CNTN4: variants seen among roughly 807,000 people sequenced by gnomAD.
CNTN4 encodes contactin 4, also known as contactin-4.
CNTN4 carries 77 observed loss-of-function variants against 122.5 expected under a neutral mutation model. The ratio of observed to expected loss-of-function variants is 0.63; its 90% CI spans 0.52 to 0.76. The LOEUF is 0.76. Ranked by LOEUF, CNTN4 falls within the 30% of genes least tolerant of loss-of-function variation. The probability of loss-of-function intolerance (pLI) is 0.00; values close to 1 mark genes in which losing one functional copy is unlikely to be tolerated. For synonymous variants in CNTN4, 512 were observed against 447.0 expected (o/e 1.15, Z -1.83); for missense variants, 1,256 against 1,259.1 (o/e 1.00, Z 0.04).
In CNTN4 at chr3:2,432,590, GTA is replaced by G. The variant is rs1470351504; in HGVS notation, c.-89+93359_-89+93360del. Among the ~76,000 whole-genome samples the G allele has an allele frequency of 5.9e-5, 9 of 151,890 alleles. No homozygotes were observed. In the East Asian group the frequency reaches 1.4e-3, roughly 23 times the overall value. ...ATAGTATTCCACCCTGTGTGTGTGT[GTA>G]TGTGTGTGTGTGCGTGTGTGTATGT... On this transcript the variant is annotated intron_variant, in intron 3 of 24. Transcript: ENST00000418658.
chr3:2,468,170 T>C (rs923003016), intron 3 of CNTN4, among the ~76,000 whole-genome samples: 2 of 152,206 alleles, frequency 1.3e-5, no homozygotes, highest in African/African-American at 2.4e-5. Context: ...GCATTTTAAT[T>C]TTCTTATTAA....
chr3:2,272,526 T>G (rs553381216), intron 2 of CNTN4, among the ~76,000 whole-genome samples: 172 of 152,336 alleles, frequency 1.1e-3, no homozygotes, highest in Non-Finnish European at 2.2e-3. Flanking sequence ...ATTAAAGTTA[T>G]ACTATGATAA....
At chr3:2,666,062 T>A (rs2084142611) in intron 4 of CNTN4, among the ~76,000 whole-genome samples, 1 of 152,194 alleles carries the variant, frequency 6.6e-6, no homozygotes, top group Non-Finnish European at 1.5e-5. Flanking sequence ...CTCCCTAAGT[T>A]GTCTACGCAG....
chr3:2,929,536 A>G (rs962505241), intron 13 of CNTN4, among the ~76,000 whole-genome samples: 3 of 152,210 alleles, frequency 2.0e-5, no homozygotes, highest in African/African-American at 2.4e-5. Context: ...TCATTGGCTC[A>G]TGTATTTGAG....
At chr3:2,191,015 C>G (rs73098035) in intron 2 of CNTN4, among the ~76,000 whole-genome samples, 4,168 of 152,168 alleles carry the variant, frequency 0.027, 192 homozygotes, top group African/African-American at 0.096. Context: ...AGGAATTTTT[C>G]TGATTTCCCA....
intron 6 of CNTN4, among the ~76,000 whole-genome samples, chr3:2,795,138 T>C (rs1165963989): frequency 6.6e-6 from 1 of 152,220 alleles, no homozygotes; most frequent in East Asian, 1.9e-4. Flanking sequence ...ATAGTTTTAG[T>C]AAGAGTTATC....
intron 4 of CNTN4, among the ~76,000 whole-genome samples, chr3:2,579,400 G>A (rs1255817991): frequency 6.6e-6 from 1 of 152,176 alleles, no homozygotes. Flanking sequence ...CTGGCAGTTG[G>A]TATCATGCCA....
At chr3:2,386,815 T>A (rs1255726884) in intron 3 of CNTN4, among the ~76,000 whole-genome samples, 2 of 152,236 alleles carry the variant, frequency 1.3e-5, no homozygotes, top group African/African-American at 4.8e-5. Flanking sequence ...TAGTTAGTGA[T>A]AAATTGAGAA....
chr3:2,839,602 G>A (rs1194840249), intron 7 of CNTN4, among the ~76,000 whole-genome samples: 1 of 152,150 alleles, frequency 6.6e-6, no homozygotes, highest in Non-Finnish European at 1.5e-5. Context: ...AATTTTCAAG[G>A]ACTGCACTGC....
chr3:2,419,110 G>A (rs2047523027), intron 3 of CNTN4, among the ~76,000 whole-genome samples: 1 of 152,098 alleles, frequency 6.6e-6, no homozygotes, highest in South Asian at 2.1e-4. Context: ...TCTAAAAATT[G>A]GATACCCCTT....
chr3:2,567,464 C>G (rs997749179), intron 3 of CNTN4, among the ~76,000 whole-genome samples: 1 of 152,144 alleles, frequency 6.6e-6, no homozygotes, highest in Non-Finnish European at 1.5e-5. Flanking sequence ...CTCTTTCCCC[C>G]TCAGCCTATA....
Position 2,751,583 on chromosome 3 carries a change from G to C in CNTN4, c.358+5886G>C, listed in dbSNP as rs2090094050. ...ATCAGAAGATAAGGCCTAAAGAGGA[G>C]GGGATTTCAGTTCGTTATTTGCACA... is the stretch of plus-strand genomic sequence containing the variant. On this transcript the variant is annotated intron_variant, in intron 6 of 24. Coordinates refer to ENST00000418658, the MANE Select transcript of CNTN4 (RefSeq NM_175607.3). Among the ~76,000 whole-genome samples the C allele has an allele frequency of 3.3e-5, 5 of 152,118 alleles. No homozygotes were observed. In the South Asian group the frequency reaches 1.0e-3, roughly 32 times the overall value.
chr3:2,445,012 A>AAATCT (rs1559558289), intron 3 of CNTN4, among the ~76,000 whole-genome samples: 2 of 151,172 alleles, frequency 1.3e-5, no homozygotes, highest in African/African-American at 4.9e-5. Flanking sequence ...AAAAAAAAAA[A>AAATCT]ATCTATCTCT....
rs553010946 is a variant in CNTN4 at position 2,135,597 on chromosome 3, G to A, written c.-145+34958G>A. On this transcript the variant is annotated intron_variant, in intron 2 of 24. Transcript: ENST00000418658. ...ATCAGCGCATATTTGTTGTATTTCCGAGGCTGGTAATGGAGCTAAAGTGTG... is the reference window on the plus strand; with the variant it reads ...ATCAGCGCATATTTGTTGTATTTCCAAGGCTGGTAATGGAGCTAAAGTGTG... Among the ~76,000 whole-genome samples the A allele has an allele frequency of 3.3e-5, 5 of 152,178 alleles. No homozygotes were observed. In the South Asian group the frequency reaches 8.3e-4, roughly 25 times the overall value.
At chr3:2,697,852 T>C (rs566676782) in intron 4 of CNTN4, among the ~76,000 whole-genome samples, 21 of 152,294 alleles carry the variant, frequency 1.4e-4, no homozygotes, top group Non-Finnish European at 2.5e-4. Flanking sequence ...CCAAAGGCAG[T>C]CTGGAGGGAG....
Position 2,219,902 on chromosome 3 carries a change from A to G in CNTN4, c.-145+119263A>G, listed in dbSNP as rs150269240. Among the ~76,000 whole-genome samples, 4 of 152,224 alleles carry G rather than the reference A, an allele frequency of 2.6e-5. No homozygotes were observed. The East Asian group carries it at 5.8e-4, about 22-fold the overall frequency. ...ATACCATGCTTCTATTTATTTCCCT[A>G]TGATAAATACCTTCTTACATCTCAT... On this transcript the variant is annotated intron_variant, in intron 2 of 24. Transcript: ENST00000418658.
At chr3:2,132,841 C>T (rs1480645163) in intron 2 of CNTN4, among the ~76,000 whole-genome samples, 4 of 151,948 alleles carry the variant, frequency 2.6e-5, no homozygotes, top group Non-Finnish European at 5.9e-5. Flanking sequence ...GTAGACTGTC[C>T]CTCTGTCCAG....
chr3:2,603,145 T>G (rs990708412), intron 4 of CNTN4, among the ~76,000 whole-genome samples: 2 of 152,194 alleles, frequency 1.3e-5, no homozygotes, highest in African/African-American at 2.4e-5. Context: ...AATTTTGTTT[T>G]TTTCATTTAG....
intron 13 of CNTN4, among the ~76,000 whole-genome samples, chr3:2,970,342 C>T (rs947976096): frequency 9.2e-5 from 14 of 152,146 alleles, no homozygotes; most frequent in African/African-American, 3.1e-4. Flanking sequence ...AGTGATCTTA[C>T]TGCCTCAGCT....
Sources: gnomAD v4.1 joint callset for allele counts (sites outside exome capture counted in the v4.1 genomes callset) on GRCh38, gnomAD v4.1.1 for gene constraint, MANE v1.5 for transcripts, NCBI Gene and HGNC (gene_info 2026-07-23, HGNC 2026-07-21) for gene names.